Variants in SHTN1 observed in about 807,000 individuals in gnomAD.
SHTN1 encodes the protein shootin-1.
In SHTN1, 42 loss-of-function variants were observed where a neutral mutation model predicts 83.1. The observed-to-expected ratio is 0.51, with a 90% CI of 0.39 to 0.65. The LOEUF (loss-of-function observed/expected upper bound fraction) is 0.65. SHTN1 is among the 30% of genes least tolerant of loss of function. The probability of loss-of-function intolerance (pLI) is 0.00; values close to 1 mark genes in which losing one functional copy is unlikely to be tolerated. For synonymous variants in SHTN1, 224 were observed against 247.7 expected, an observed-to-expected ratio of 0.90 and a Z score of 0.90; for missense variants, 622 against 737.8, an observed-to-expected ratio of 0.84 and a Z score of 1.82.
At chr10:116,902,158 C>CT (rs1217857583) in intron 15 of SHTN1, among the ~76,000 whole-genome samples, 1 of 152,166 alleles carries the variant, frequency 6.6e-6, no homozygotes, top group Admixed American at 6.5e-5. Flanking sequence ...CAGGACCACG[C>CT]TGAGAAATTG....
chr10:116,975,097 A>C (rs1320047850), intron 2 of SHTN1, among the ~76,000 whole-genome samples: 1 of 152,214 alleles, frequency 6.6e-6, no homozygotes, highest in Non-Finnish European at 1.5e-5. Context: ...ATGGGCAAAA[A>C]ATAATGGAAA....
intron 2 of SHTN1, chr10:116,973,773 T>C (rs1850698834): frequency 1.2e-6 from 1 of 867,184 alleles, no homozygotes; most frequent in Non-Finnish European, 1.6e-6. Flanking sequence ...ACCATTTTTC[T>C]TGAAGTTCAT....
At chr10:117,091,922 G>A (rs1454655319) in intron 1 of SHTN1, among the ~76,000 whole-genome samples, 1 of 152,090 alleles carries the variant, frequency 6.6e-6, no homozygotes, top group Non-Finnish European at 1.5e-5. Context: ...GTTGAGGCAG[G>A]GACTGTGTCT....
rs1456296220 is a variant in SHTN1 at position 116,927,868 on chromosome 10, T to A, written c.1036A>T (p.Asn346Tyr). 6.2e-7 allele frequency: 1 copy of A among 1,612,180 alleles called. No homozygotes were observed. Among genetic ancestry groups the A allele is most frequent in the Non-Finnish European group, 8.5e-7 (1 of 1,179,198 alleles). Reference protein sequence around the residue: ...HSVDELQKRVNQSENSVPPPP... With the variant: ...HSVDELQKRVYQSENSVPPPP... Reference sequence around the variant, plus strand: ...GGAGGTACTGAATTCTCAGACTGGTTCACTCGTTTCTGGAGTTCATCAACT... The same window carrying A: ...GGAGGTACTGAATTCTCAGACTGGTACACTCGTTTCTGGAGTTCATCAACT... The change falls in exon 11 of 17, where the codon AAC becomes TAC. Residue 346 changes from asparagine to tyrosine, a missense_variant. Around this residue, in one of 3 missense-constraint regions of SHTN1, gnomAD observed 383 missense variants for 455.8 expected, o/e 0.84. Coordinates refer to ENST00000355371, the MANE Select transcript of SHTN1 (RefSeq NM_001127211.3).
intron 1 of SHTN1, among the ~76,000 whole-genome samples, chr10:117,108,785 T>C (rs555220972): frequency 1.3e-5 from 2 of 152,254 alleles, no homozygotes; most frequent in Admixed American, 6.5e-5. Flanking sequence ...TAGTGGACAT[T>C]AGCTAAGTTG....
chr10:116,883,159 G>C lies in SHTN1; in HGVS notation c.*3185C>G, dbSNP rs1033389046. 6 of 152,112 alleles carry C rather than the reference G, an allele frequency of 3.9e-5. No homozygotes were observed. Among genetic ancestry groups the C allele is most frequent in the African/African-American group, 1.4e-4 (6 of 41,434 alleles). 9.4% of individuals were successfully genotyped at this position (152,112 alleles called of 1,614,324 possible). ...AGCAGTGTGACTTCAACACAGAGCA[G>C]TTTACTCACCTATCCTCGAGACTGC... On this transcript the variant is annotated 3_prime_UTR_variant, in exon 17 of 17. Transcript: ENST00000355371.
intron 1 of SHTN1, among the ~76,000 whole-genome samples, chr10:117,058,403 T>C (rs1852855594): frequency 6.6e-6 from 1 of 151,952 alleles, no homozygotes; most frequent in Non-Finnish European, 1.5e-5. Flanking sequence ...ATATACAAAT[T>C]GCCAATAAAC....
intron 7 of SHTN1, among the ~76,000 whole-genome samples, chr10:116,947,241 G>T (rs79318337): frequency 6.6e-6 from 1 of 152,052 alleles, no homozygotes; most frequent in Non-Finnish European, 1.5e-5. Flanking sequence ...AGGGAGTGAC[G>T]ATACCATTAG....
chr10:116,993,182 A>AT (rs1237715569), intron 1 of SHTN1, among the ~76,000 whole-genome samples: 2 of 151,346 alleles, frequency 1.3e-5, no homozygotes, highest in Non-Finnish European at 2.9e-5. Context: ...CACCCGGCTA[A>AT]TTTTTTGTAT....
At chr10:116,960,592 G>A (rs1850151688) in intron 3 of SHTN1, among the ~76,000 whole-genome samples, 1 of 152,088 alleles carries the variant, frequency 6.6e-6, no homozygotes, top group African/African-American at 2.4e-5. Context: ...AGGAGTGACA[G>A]CATGACTTCT....
At chr10:117,089,415 T>C (rs1853397181) in intron 1 of SHTN1, among the ~76,000 whole-genome samples, 1 of 152,148 alleles carries the variant, frequency 6.6e-6, no homozygotes, top group Non-Finnish European at 1.5e-5. Context: ...AAAATCACCA[T>C]TTAACTTACA....
intron 1 of SHTN1, among the ~76,000 whole-genome samples, chr10:117,119,855 A>T (rs1012851858): frequency 3.0e-4 from 46 of 152,086 alleles, no homozygotes; most frequent in African/African-American, 1.0e-3. Context: ...AAAAAAAAAA[A>T]ATAAGATCCT....
At chr10:116,929,177 A>C (rs1198426259) in intron 10 of SHTN1, among the ~76,000 whole-genome samples, 4 of 152,230 alleles carry the variant, frequency 2.6e-5, no homozygotes, top group East Asian at 1.9e-4. Context: ...TGAATATTGA[A>C]GCTATTATAA....
intron 6 of SHTN1, among the ~76,000 whole-genome samples, chr10:116,951,229 C>T (rs921935172): frequency 2.0e-5 from 3 of 152,144 alleles, no homozygotes; most frequent in African/African-American, 7.2e-5. Context: ...TCAAGGTAAG[C>T]CTGGGAAATA....
intron 2 of SHTN1, among the ~76,000 whole-genome samples, chr10:117,039,850 C>CAAA (rs71013633): frequency 3.1e-5 from 4 of 129,698 alleles, no homozygotes; most frequent in Admixed American, 7.7e-5. Flanking sequence ...GAGACTCCAT[C>CAAA]AAAAAAAAAA....
In SHTN1 at chr10:116,954,226, A is replaced by G. The variant is rs760068912; in HGVS notation, c.268-16T>C. The G allele has an allele frequency of 1.2e-5, 18 of 1,548,262 alleles. No individual in the cohort carries two copies. In the South Asian group the frequency reaches 2.1e-4, roughly 18 times the overall value. ...CTTTATTTAGCTAAGACAAAATATA[A>G]AAACAGTTATTTTAAAAGCAGCCAA... is the stretch of plus-strand genomic sequence containing the variant. On this transcript the variant is annotated splice_polypyrimidine_tract_variant and intron_variant, in intron 4 of 16. Transcript: ENST00000355371.
intron 1 of SHTN1, among the ~76,000 whole-genome samples, chr10:117,059,892 T>C (rs1852875456): frequency 6.6e-6 from 1 of 152,200 alleles, no homozygotes; most frequent in Non-Finnish European, 1.5e-5. Context: ...AGTGAATCTA[T>C]AATTATGTCA....
chr10:116,999,834 AC>A (rs1173931437), intron 1 of SHTN1, among the ~76,000 whole-genome samples: 2 of 152,134 alleles, frequency 1.3e-5, no homozygotes, highest in African/African-American at 4.8e-5. Context: ...AATTGCTTGA[AC>A]CTGGGAGGCG....
chr10:116,924,696 C>T (rs889183816), intron 11 of SHTN1, among the ~76,000 whole-genome samples: 3 of 149,352 alleles, frequency 2.0e-5, no homozygotes, highest in Non-Finnish European at 4.4e-5. Flanking sequence ...AATAAAATTT[C>T]AGGCATGTGT....
Sources: gnomAD v4.1 joint callset for allele counts (sites outside exome capture counted in the v4.1 genomes callset) on GRCh38, gnomAD v4.1.1 for gene constraint, gnomAD v4.1.1 regional missense constraint, MANE v1.5 for transcripts, NCBI Gene and HGNC (gene_info 2026-07-23, HGNC 2026-07-21) for gene names.